ADAMTS12: variants seen among roughly 807,000 people sequenced by gnomAD.
ADAMTS12 encodes A disintegrin and metalloproteinase with thrombospondin motifs 12.
Under a neutral mutation model 167.8 loss-of-function variants are expected in ADAMTS12, and 118 were observed. The observed-to-expected ratio is 0.70, with a 90% confidence interval of 0.61 to 0.82. ADAMTS12 has a LOEUF of 0.82. ADAMTS12 is among the 40% of genes least tolerant of loss of function. The probability of loss-of-function intolerance (pLI) is 0.00; values close to 1 mark genes in which losing one functional copy is unlikely to be tolerated. For synonymous variants in ADAMTS12, 704 were observed against 716.9 expected, an observed-to-expected ratio of 0.98 and a Z score of 0.29; for missense variants, 1,916 against 1,998.8, an observed-to-expected ratio of 0.96 and a Z score of 0.79.
At chr5:33,878,994 A>T (rs995044502) in intron 2 of ADAMTS12, among the ~76,000 whole-genome samples, 6 of 152,208 alleles carry the variant, frequency 3.9e-5, no homozygotes, top group Admixed American at 6.5e-5. Context: ...CCAAATGTAG[A>T]TCAGTGGTTC....
intron 16 of ADAMTS12, among the ~76,000 whole-genome samples, chr5:33,599,709 T>C (rs1738091161): frequency 2.0e-5 from 3 of 152,214 alleles, no homozygotes; most frequent in African/African-American, 7.2e-5. Flanking sequence ...GCTGGGTCCC[T>C]AACTGGTAAT....
chr5:33,642,071 C>A, intron 10 of ADAMTS12, 116 bp from the exon 11 acceptor site: 1 of 1,071,818 alleles, frequency 9.3e-7, no homozygotes, highest in Non-Finnish European at 1.3e-6. Flanking sequence ...TTTCTACAGT[C>A]ACATATCAGA....
chr5:33,626,070 A>G (rs1182120257), intron 13 of ADAMTS12, among the ~76,000 whole-genome samples: 1 of 152,214 alleles, frequency 6.6e-6, no homozygotes, highest in East Asian at 1.9e-4. Flanking sequence ...GTGACTCTGA[A>G]TATGCCAGGC....
intron 2 of ADAMTS12, among the ~76,000 whole-genome samples, chr5:33,848,375 C>A (rs1749027029): frequency 6.6e-6 from 1 of 152,160 alleles, no homozygotes; most frequent in Admixed American, 6.5e-5. Flanking sequence ...GATAGACAAA[C>A]AAGCGACATA....
At chr5:33,546,985 T>C (rs1745015606) in intron 21 of ADAMTS12, among the ~76,000 whole-genome samples, 1 of 152,232 alleles carries the variant, frequency 6.6e-6, no homozygotes, top group Non-Finnish European at 1.5e-5. Context: ...GGTAGTATCA[T>C]AGAAAACAGG....
intron 3 of ADAMTS12, 62 bp from the exon 4 acceptor site, chr5:33,684,117 TGTTA>T: frequency 8.2e-7 from 1 of 1,222,234 alleles, no homozygotes; most frequent in Non-Finnish European, 1.1e-6. Context: ...TATCTACTTA[TGTTA>T]GTAAAGATGC....
intron 23 of ADAMTS12, 51 bp downstream of exon 23, chr5:33,534,782 A>T: frequency 1.3e-6 from 2 of 1,563,978 alleles, no homozygotes; most frequent in African/African-American, 2.7e-5. Context: ...ATCATGCAGG[A>T]TGACATTTGT....
chr5:33,869,259 T>A (rs6861879), intron 2 of ADAMTS12, among the ~76,000 whole-genome samples: 30 of 152,256 alleles, frequency 2.0e-4, no homozygotes, highest in Admixed American at 3.3e-4. Flanking sequence ...CTCCAGAGGA[T>A]GCAAGCTGTA....
At chr5:33,601,446 C>G (rs1738183392) in intron 16 of ADAMTS12, among the ~76,000 whole-genome samples, 1 of 152,124 alleles carries the variant, frequency 6.6e-6, no homozygotes, top group East Asian at 1.9e-4. Context: ...CCCACTCATC[C>G]AATAGTGAAT....
intron 2 of ADAMTS12, among the ~76,000 whole-genome samples, chr5:33,846,142 A>C (rs531581352): frequency 3.3e-5 from 5 of 152,334 alleles, no homozygotes; most frequent in African/African-American, 9.6e-5. Flanking sequence ...ACCCAAACTG[A>C]GGGACATCCT....
chr5:33,598,322 T>C (rs985527585), intron 16 of ADAMTS12, among the ~76,000 whole-genome samples: 1 of 152,240 alleles, frequency 6.6e-6, no homozygotes, highest in African/African-American at 2.4e-5. Flanking sequence ...CAAGGGCTTC[T>C]TTCTCAAGTC....
intron 3 of ADAMTS12, among the ~76,000 whole-genome samples, chr5:33,711,718 G>C (rs950843964): frequency 2.0e-5 from 3 of 152,136 alleles, no homozygotes; most frequent in Non-Finnish European, 4.4e-5. Context: ...AAAATGTCTA[G>C]AGTTAGAATT....
chr5:33,616,724 G>C (rs1045646169), intron 14 of ADAMTS12, among the ~76,000 whole-genome samples: 18 of 152,108 alleles, frequency 1.2e-4, no homozygotes, highest in Non-Finnish European at 2.6e-4. Flanking sequence ...CACTGAAATA[G>C]GAACTTATAA....
At chr5:33,786,626 T>A (rs1435250043) in intron 2 of ADAMTS12, among the ~76,000 whole-genome samples, 1 of 152,174 alleles carries the variant, frequency 6.6e-6, no homozygotes, top group Non-Finnish European at 1.5e-5. Context: ...ACCTCTTCTC[T>A]TGATAGATTG....
rs575516590 is a variant in ADAMTS12, at chr5:33,576,342, A to C, written c.3684T>G (p.Thr1228=). The C allele has an allele frequency of 6.2e-7, 1 of 1,614,140 alleles. No individual in the cohort carries two copies. The highest frequency in any genetic ancestry group is 1.1e-5 in the South Asian group (1 of 91,076). Residue 1228 remains threonine (T), a synonymous_variant, in exon 19 of 24, where the codon ACT becomes ACG. Coordinates refer to ENST00000504830, the MANE Select transcript of ADAMTS12 (RefSeq NM_030955.4). The part of the protein sequence containing the change: ...EGLLPSQRPT[T]SETGTPRVEG... ...CAACTCTGGGTGTCCCAGTTTCGGAAGTAGTGGGCCTTTGGCTGGGGAGCA... is the reference window on the plus strand; with the variant it reads ...CAACTCTGGGTGTCCCAGTTTCGGACGTAGTGGGCCTTTGGCTGGGGAGCA...
At chr5:33,649,328 G>C (rs560227338) in intron 8 of ADAMTS12, among the ~76,000 whole-genome samples, 1 of 152,124 alleles carries the variant, frequency 6.6e-6, no homozygotes, top group South Asian at 2.1e-4. Flanking sequence ...GAGCAATCTG[G>C]GATGGGACAG....
intron 3 of ADAMTS12, among the ~76,000 whole-genome samples, chr5:33,715,072 G>A (rs1219019525): frequency 1.3e-5 from 2 of 151,904 alleles, no homozygotes; most frequent in Admixed American, 6.6e-5. Context: ...TCATAAATAT[G>A]TACAATTATT....
chr5:33,580,010 C>A (rs1350554710), intron 18 of ADAMTS12, among the ~76,000 whole-genome samples: 3 of 152,216 alleles, frequency 2.0e-5, no homozygotes, highest in Non-Finnish European at 4.4e-5. Flanking sequence ...GAGATCCACA[C>A]ACCCCCTACT....
chr5:33,549,930 A>C (rs1745171671), intron 20 of ADAMTS12, among the ~76,000 whole-genome samples: 1 of 152,212 alleles, frequency 6.6e-6, no homozygotes, highest in Admixed American at 6.5e-5. Flanking sequence ...TTGAGTAGGG[A>C]AATAAACTGA....
Sources: allele counts gnomAD v4.1 joint callset (sites outside exome capture counted in the v4.1 genomes callset), GRCh38; gene constraint gnomAD v4.1.1; transcripts MANE v1.5; gene names NCBI Gene and HGNC (gene_info 2026-07-23, HGNC 2026-07-21).